Variants in SHISAL1 observed in about 807,000 individuals in gnomAD.
SHISAL1 encodes protein shisa-like-1.
A neutral mutation model predicts 22.6 loss-of-function variants in SHISAL1; 9 were observed. That is an observed-to-expected ratio of 0.40 (90% CI 0.24 to 0.70). The LOEUF (loss-of-function observed/expected upper bound fraction) is 0.70. Among genes scored for constraint, SHISAL1 ranks in the 30% least tolerant of loss-of-function variants. SHISAL1 has a pLI of 0.39. For missense variants in SHISAL1, 246 were observed against 270.6 expected (o/e 0.91, Z 0.64); for synonymous variants, 119 against 115.4 (o/e 1.03, Z -0.20).
intron 4 of SHISAL1, among the ~76,000 whole-genome samples, chr22:44,268,589 C>A (rs976411620): frequency 6.6e-6 from 1 of 152,200 alleles, no homozygotes; most frequent in Non-Finnish European, 1.5e-5. Flanking sequence ...ACCAGCACCC[C>A]CCAGAAGACT....
chr22:44,244,097 GGGA>G lies in SHISAL1; in HGVS notation c.*5585_*5587del, dbSNP rs1569202010. ...TGAGGTATGCCACTAGCTTTAAAAC[GGGA>G]AATGGGAAAAATAGGAAGAAACTGC... is the stretch of plus-strand genomic sequence containing the variant. On this transcript the variant is annotated 3_prime_UTR_variant, in exon 5 of 5. Coordinates refer to ENST00000381176, the MANE Select transcript of SHISAL1 (RefSeq NM_001099294.2). The G allele has an allele frequency of 6.6e-6, 1 of 152,164 alleles. No homozygotes were observed. Among genetic ancestry groups the G allele is most frequent in the East Asian group, 1.9e-4 (1 of 5,186 alleles). The allele number at this position is 152,164 out of a possible 1,614,324, so 9.4% of individuals were successfully genotyped here. A position where few individuals can be genotyped will look rare whatever the true frequency, so the allele number is the denominator to read the frequency against.
chr22:44,284,604 G>A (rs762860210), intron 4 of SHISAL1, among the ~76,000 whole-genome samples: 7 of 152,098 alleles, frequency 4.6e-5, no homozygotes, highest in Non-Finnish European at 7.4e-5. Flanking sequence ...CAGAGCATCC[G>A]AACCTCTCAC....
intron 4 of SHISAL1, among the ~76,000 whole-genome samples, chr22:44,250,835 T>C (rs1271962294): frequency 6.6e-6 from 1 of 152,176 alleles, no homozygotes; most frequent in African/African-American, 2.4e-5. Context: ...ATCTGGTGAG[T>C]GTTCTTAAAT....
chr22:44,300,555 A>C (rs1403827400), intron 2 of SHISAL1, among the ~76,000 whole-genome samples: 1 of 152,230 alleles, frequency 6.6e-6, no homozygotes. Context: ...GATGACTAGG[A>C]CACTGCCTAA....
At chr22:44,288,298 T>C (rs1284414975) in intron 3 of SHISAL1, among the ~76,000 whole-genome samples, 5 of 152,294 alleles carry the variant, frequency 3.3e-5, no homozygotes, top group Middle Eastern at 6.8e-3. Flanking sequence ...CTCACCACTA[T>C]AGCACACTGC....
In SHISAL1 at chr22:44,246,029, G is replaced by A. The variant is rs1327012153; in HGVS notation, c.*3656C>T. ...GTACTTGTGTGTTTTTTCAATTAAG[G>A]CCTGTTGCACATCAGCAATGGTCAT... On this transcript the variant is annotated 3_prime_UTR_variant, in exon 5 of 5. Transcript: ENST00000381176. 1 of 152,218 alleles carries A rather than the reference G, an allele frequency of 6.6e-6. No homozygotes were observed. The highest frequency in any genetic ancestry group is 2.4e-5 in the African/African-American group (1 of 41,426). The allele number at this position is 152,218 out of a possible 1,614,324, so 9.4% of individuals were successfully genotyped here. A position where few individuals can be genotyped will look rare whatever the true frequency, so the allele number is the denominator to read the frequency against.
chr22:44,298,856 G>A (rs1020429779), intron 2 of SHISAL1, among the ~76,000 whole-genome samples: 2 of 152,214 alleles, frequency 1.3e-5, no homozygotes, highest in African/African-American at 2.4e-5. Context: ...ACCACTGGGC[G>A]GTCAGCGCCA....
intron 1 of SHISAL1, among the ~76,000 whole-genome samples, chr22:44,311,607 T>C (rs139798180): frequency 2.0e-5 from 3 of 152,224 alleles, no homozygotes; most frequent in African/African-American, 7.2e-5. Flanking sequence ...TAGGCACCAC[T>C]GTGATCCCAT....
intron 4 of SHISAL1, among the ~76,000 whole-genome samples, chr22:44,261,533 C>T (rs1197431346): frequency 6.6e-6 from 1 of 152,196 alleles, no homozygotes; most frequent in Non-Finnish European, 1.5e-5. Flanking sequence ...AGCTGTGTGA[C>T]CCTGGGTGAG....
intron 4 of SHISAL1, among the ~76,000 whole-genome samples, chr22:44,276,624 G>A (rs1043761624): frequency 1.3e-5 from 2 of 152,102 alleles, no homozygotes; most frequent in African/African-American, 4.8e-5. Context: ...CGTGAAGCAG[G>A]AAAGAAAGGG....
intron 1 of SHISAL1, among the ~76,000 whole-genome samples, chr22:44,304,523 G>T (rs1391007452): frequency 1.3e-5 from 2 of 152,180 alleles, no homozygotes; most frequent in Non-Finnish European, 2.9e-5. Context: ...CTTCCTCTGG[G>T]GAGGGGCTGC....
At chr22:44,317,339 C>A (rs1048412952), upstream of SHISAL1, among the ~76,000 whole-genome samples, 1 of 152,252 alleles carries the variant, frequency 6.6e-6, no homozygotes, top group Non-Finnish European at 1.5e-5. Flanking sequence ...TGTCCTTACT[C>A]GGGGCGGTCC....
intron 4 of SHISAL1, among the ~76,000 whole-genome samples, chr22:44,272,579 T>A (rs1191927132): frequency 6.6e-6 from 1 of 152,198 alleles, no homozygotes; most frequent in Non-Finnish European, 1.5e-5. Context: ...GGCTGGAGGC[T>A]TTGAAAGAGG....
chr22:44,307,839 G>C (rs1486095541), intron 1 of SHISAL1, among the ~76,000 whole-genome samples: 1 of 152,214 alleles, frequency 6.6e-6, no homozygotes, highest in Non-Finnish European at 1.5e-5. Flanking sequence ...ATCTGTTTTT[G>C]TGTCAGCCAG....
intron 4 of SHISAL1, among the ~76,000 whole-genome samples, chr22:44,260,376 T>C (rs535817418): frequency 6.6e-6 from 1 of 152,318 alleles, no homozygotes; most frequent in African/African-American, 2.4e-5. Flanking sequence ...AAGGGAAGAA[T>C]GTGACATGGA....
chr22:44,251,892 C>T (rs1455291616), intron 4 of SHISAL1, among the ~76,000 whole-genome samples: 1 of 152,072 alleles, frequency 6.6e-6, no homozygotes, highest in Non-Finnish European at 1.5e-5. Context: ...ACTTATTGCC[C>T]CTGAACCGTA....
the SHISAL1 span, among the ~76,000 whole-genome samples, chr22:44,329,759 C>T: frequency 1.3e-5 from 2 of 152,192 alleles, no homozygotes; most frequent in African/African-American, 2.4e-5. Context: ...GGATGGGGAG[C>T]GACCCCCCAA....
At position 44,301,255 on chromosome 22, in the gene SHISAL1, C is replaced by T. The variant is rs577419797; in HGVS notation, c.-32-278G>A. ...GGCTCAGGTGGTGGAAATGACCGGC[C>T]GGCAGAGGCTGGTGGCCAGGCACCA... On this transcript the variant is annotated intron_variant, in intron 1 of 4. Coordinates refer to ENST00000381176, the MANE Select transcript of SHISAL1 (RefSeq NM_001099294.2). Among the ~76,000 whole-genome samples the T allele has an allele frequency of 7.9e-5, 12 of 152,276 alleles. No homozygotes were observed. The South Asian group carries it at 1.0e-3, about 13-fold the overall frequency.
At chr22:44,299,563 G>A (rs146524661) in intron 2 of SHISAL1, among the ~76,000 whole-genome samples, 17 of 152,310 alleles carry the variant, frequency 1.1e-4, no homozygotes, top group East Asian at 5.8e-4. Context: ...TTTGCTGTCC[G>A]GGGAGCCCTG....
Sources: allele counts gnomAD v4.1 joint callset (sites outside exome capture counted in the v4.1 genomes callset), GRCh38; gene constraint gnomAD v4.1.1; transcripts MANE v1.5; gene names NCBI Gene and HGNC (gene_info 2026-07-23, HGNC 2026-07-21).